CNST: variants seen among roughly 807,000 people sequenced by gnomAD.
CNST encodes consortin, connexin sorting protein.
Under a neutral mutation model 72.4 loss-of-function variants are expected in CNST, and 39 were observed. The observed-to-expected ratio is 0.54, with a 90% CI of 0.42 to 0.70. The LOEUF is 0.70. CNST is among the 30% of genes least tolerant of loss of function. The pLI, the probability that CNST is intolerant of heterozygous loss-of-function variation, is 0.00. For missense variants in CNST, 871 were observed against 868.5 expected, an observed-to-expected ratio of 1.00 and a Z score of -0.04; for synonymous variants, 332 against 320.1, an observed-to-expected ratio of 1.04 and a Z score of -0.40.
Position 246,634,477 on chromosome 1 carries a change from A to T in CNST, c.708A>T (p.Thr236=). The change falls in exon 6 of 11, where the codon ACA becomes ACT. Residue 236 remains threonine, a synonymous_variant. Transcript: ENST00000366513. ...NLSAIQEQWE[T]KWKTVQPHTV... is the part of the protein sequence containing the mutation. The stretch of plus-strand genomic sequence containing the variant: ...TAACAAATACTTTAAATTTAGAAAC[A>T]AAATGGAAAACTGTGCAACCACATA... 6.4e-7 allele frequency: 1 copy of T among 1,564,884 alleles called. No homozygotes were observed. The highest frequency in any genetic ancestry group is 8.6e-7 in the Non-Finnish European group (1 of 1,161,462).
intron 1 of CNST, among the ~76,000 whole-genome samples, chr1:246,586,105 A>ATGTGTG (rs1305896995): frequency 3.0e-5 from 1 of 33,892 alleles, no homozygotes; most frequent in African/African-American, 1.1e-4. Flanking sequence ...ATATATATAT[A>ATGTGTG]TATATATGTG....
Position 246,651,373 on chromosome 1 carries a change from G to GT in CNST, c.1836+3337dup, listed in dbSNP as rs1382533523. The stretch of plus-strand genomic sequence containing the variant: ...CTCTTACTTCCCTCTTTCTACCATT[G>GT]TGTTTGTGGTAGAGCATGCTGGTTT... On this transcript the variant is annotated intron_variant, in intron 9 of 10. Transcript: ENST00000366513. Among the ~76,000 whole-genome samples the GT allele has an allele frequency of 4.6e-5, 7 of 152,094 alleles. No homozygotes were observed. In the East Asian group the frequency reaches 7.7e-4, roughly 17 times the overall value.
chr1:246,588,463 A>G (rs554998897), intron 1 of CNST, among the ~76,000 whole-genome samples: 1 of 152,324 alleles, frequency 6.6e-6, no homozygotes, highest in African/African-American at 2.4e-5. Flanking sequence ...GGAAATACCT[A>G]TAGCATAACT....
At chr1:246,660,161 T>C in intron 9 of CNST, 38 bp from the exon 10 acceptor site, 1 of 1,566,404 alleles carries the variant, frequency 6.4e-7, no homozygotes, top group Admixed American at 1.9e-5. Flanking sequence ...ATGTCCCGCC[T>C]TAATAAAAGA....
In CNST at chr1:246,634,550, T is replaced by A; in HGVS notation, c.781T>A (p.Phe261Ile). Residue 261 changes from phenylalanine to isoleucine, a missense_variant, in exon 6 of 11, where the codon TTT (phenylalanine) becomes ATT (isoleucine). Physicochemically the swap from Phe to Ile is conservative, Grantham distance 21. Transcript: ENST00000366513. ...NSEKGFNGED[F>I]ERLTKICATH... The stretch of plus-strand genomic sequence containing the variant: ...AGAAAAGGGATTTAATGGTGAAGAT[T>A]TTGAACGGCTTACGAAAATTTGTGC... 6.2e-7 allele frequency: 1 copy of A among 1,609,072 alleles called. No homozygotes were observed.
At chr1:246,624,477 A>G (rs1407251932) in intron 3 of CNST, among the ~76,000 whole-genome samples, 1 of 152,248 alleles carries the variant, frequency 6.6e-6, no homozygotes. Context: ...AGAAATATTA[A>G]ACATTTAAAC....
intron 1 of CNST, among the ~76,000 whole-genome samples, chr1:246,574,970 T>TA (rs1660299615): frequency 7.3e-6 from 1 of 136,936 alleles, no homozygotes; most frequent in Non-Finnish European, 1.5e-5. Flanking sequence ...CTTCCTCAAG[T>TA]ATTTTATTTA....
At chr1:246,602,907 T>C (rs1662403297) in intron 2 of CNST, among the ~76,000 whole-genome samples, 1 of 151,890 alleles carries the variant, frequency 6.6e-6, no homozygotes, top group Non-Finnish European at 1.5e-5. Context: ...GTTTTTTTTT[T>C]TTATGATTTC....
At chr1:246,641,503 A>G (rs570877406) in intron 6 of CNST, among the ~76,000 whole-genome samples, 33 of 152,288 alleles carry the variant, frequency 2.2e-4, no homozygotes, top group Admixed American at 1.6e-3. Flanking sequence ...CTTCTGGAAT[A>G]TAGCATTTGT....
intron 2 of CNST, among the ~76,000 whole-genome samples, chr1:246,617,143 C>G (rs182305025): frequency 2.0e-5 from 3 of 152,122 alleles, no homozygotes; most frequent in Admixed American, 2.0e-4. Context: ...AAGAAATGAA[C>G]TGTCAAGCAT....
At chr1:246,597,634 G>A (rs960047732) in intron 2 of CNST, among the ~76,000 whole-genome samples, 1 of 152,212 alleles carries the variant, frequency 6.6e-6, no homozygotes, top group African/African-American at 2.4e-5. Flanking sequence ...GCCCTGACTT[G>A]TTTCTCTGGA....
intron 6 of CNST, among the ~76,000 whole-genome samples, chr1:246,635,015 G>A (rs1018034815): frequency 1.5e-5 from 2 of 129,114 alleles, no homozygotes; most frequent in Admixed American, 1.6e-4. Flanking sequence ...TCTGCTTCTC[G>A]CTGACGCGCG....
chr1:246,567,634 C>G lies in CNST; in HGVS notation c.-52+971C>G, dbSNP rs550636033. 3.9e-5 allele frequency among the ~76,000 whole-genome samples: 6 copies of G among 152,258 alleles called. No homozygotes were observed. The East Asian group carries it at 1.2e-3, about 29-fold the overall frequency. Reference sequence around the variant, plus strand: ...TTATACTCATCTGATGAAGCTCAAGCGGATAAAGAATTGACAACTAAATAT... The same window carrying G: ...TTATACTCATCTGATGAAGCTCAAGGGGATAAAGAATTGACAACTAAATAT... On this transcript the variant is annotated intron_variant, in intron 1 of 10. Coordinates refer to ENST00000366513, the MANE Select transcript of CNST (RefSeq NM_152609.3).
At position 246,603,095 on chromosome 1, in the gene CNST, A is replaced by C. The variant is rs184167485; in HGVS notation, c.379+11154A>C. Reference sequence around the variant, plus strand: ...TGTGAAGAAAAATTAAGAAATCAAAACTAAGAAATTAAGAGATTTACCTCC... The same window carrying C: ...TGTGAAGAAAAATTAAGAAATCAAACCTAAGAAATTAAGAGATTTACCTCC... On this transcript the variant is annotated intron_variant, in intron 2 of 10. Transcript: ENST00000366513. 3.2e-3 allele frequency among the ~76,000 whole-genome samples: 481 copies of C among 152,306 alleles called. 1 individual carries two copies. The highest frequency in any genetic ancestry group is 4.8e-3 in the Non-Finnish European group (327 of 68,034).
Position 246,666,152 on chromosome 1 carries a change from C to G in CNST, c.*247C>G, listed in dbSNP as rs966625564. ...TTTGGAGAGAGCATATCCATCTCCTCCTCACTGCCTCCTAATGTCATGAGG... is the reference window on the plus strand; with the variant it reads ...TTTGGAGAGAGCATATCCATCTCCTGCTCACTGCCTCCTAATGTCATGAGG... On this transcript the variant is annotated 3_prime_UTR_variant, in exon 11 of 11. Coordinates refer to ENST00000366513, the MANE Select transcript of CNST (RefSeq NM_152609.3). 1.7e-5 allele frequency: 8 copies of G among 462,752 alleles called. No individual in the cohort carries two copies. Among genetic ancestry groups the G allele is most frequent in the African/African-American group, 1.6e-4 (8 of 51,314 alleles). 28.7% of individuals were successfully genotyped at this position (462,752 alleles called of 1,614,324 possible).
intron 2 of CNST, chr1:246,607,353 C>T (rs1453914548): frequency 6.6e-6 from 1 of 152,142 alleles, no homozygotes; most frequent in East Asian, 1.9e-4. Flanking sequence ...AAGCGCGATG[C>T]CCTCTCCTAG....
chr1:246,602,327 G>C (rs989190951), intron 2 of CNST, among the ~76,000 whole-genome samples: 3 of 152,192 alleles, frequency 2.0e-5, no homozygotes, highest in Admixed American at 6.5e-5. Flanking sequence ...ATCTGTGTGT[G>C]GCTTAGCTTG....
At chr1:246,645,488 C>T (rs1352179069) in intron 8 of CNST, among the ~76,000 whole-genome samples, 25 of 135,014 alleles carry the variant, frequency 1.9e-4, no homozygotes, top group South Asian at 1.8e-3. Context: ...AGTGCAGTGG[C>T]GCAATCTCGG....
At chr1:246,615,418 G>A (rs574941189) in intron 2 of CNST, among the ~76,000 whole-genome samples, 3 of 151,692 alleles carry the variant, frequency 2.0e-5, no homozygotes, top group Non-Finnish European at 4.4e-5. Flanking sequence ...CTCGTGATCC[G>A]CCTGCCTCGG....
Sources: gnomAD v4.1 joint callset for allele counts (sites outside exome capture counted in the v4.1 genomes callset) on GRCh38, gnomAD v4.1.1 for gene constraint, MANE v1.5 for transcripts, NCBI Gene and HGNC (gene_info 2026-07-23, HGNC 2026-07-21) for gene names.